ADGB: variants seen among roughly 807,000 people sequenced by gnomAD.
ADGB encodes the protein androglobin, also known as calpain-7-like protein.
A neutral mutation model predicts 210.5 loss-of-function variants in ADGB; 172 were observed. The ratio of observed to expected loss-of-function variants is 0.82; its 90% confidence interval spans 0.72 to 0.93. The LOEUF (loss-of-function observed/expected upper bound fraction) is 0.93, where lower values mean the gene tolerates loss of function less well. Ranked by LOEUF, ADGB falls within the 40% of genes least tolerant of loss-of-function variation. The pLI is 0.00. For synonymous variants in ADGB, 658 were observed against 662.7 expected (o/e 0.99, Z 0.11); for missense variants, 2,025 against 1,964.8 (o/e 1.03, Z -0.58).
chr6:146,643,212 T>A (rs1366060295), intron 2 of ADGB, among the ~76,000 whole-genome samples: 1 of 151,868 alleles, frequency 6.6e-6, no homozygotes, highest in Non-Finnish European at 1.5e-5. Context: ...ATTATTCCAG[T>A]ATCTTAAAGG....
intron 29 of ADGB, among the ~76,000 whole-genome samples, chr6:146,778,080 A>G (rs1237485094): frequency 3.9e-5 from 6 of 152,210 alleles, no homozygotes; most frequent in Non-Finnish European, 7.3e-5. Flanking sequence ...GAGTTATTCT[A>G]GCTCAGTTTT....
chr6:146,674,397 T>C (rs1187539280), intron 8 of ADGB, among the ~76,000 whole-genome samples: 2 of 152,030 alleles, frequency 1.3e-5, no homozygotes, highest in African/African-American at 2.4e-5. Context: ...CCTGCTGAGA[T>C]GACTGCAGTA....
At chr6:146,810,655 C>T (rs1041560840) in intron 35 of ADGB, among the ~76,000 whole-genome samples, 19 of 152,164 alleles carry the variant, frequency 1.2e-4, no homozygotes, top group Middle Eastern at 3.4e-3. Context: ...TGCAACAACA[C>T]AGATGAACAT....
chr6:146,807,707 A>G (rs1778233432), intron 35 of ADGB: 1 of 841,564 alleles, frequency 1.2e-6, no homozygotes, highest in African/African-American at 1.8e-5. Context: ...TTTCTTAGAA[A>G]TATTTTAATG....
chr6:146,697,424 T>C (rs1776421029), intron 12 of ADGB, among the ~76,000 whole-genome samples: 1 of 151,828 alleles, frequency 6.6e-6, no homozygotes, highest in Non-Finnish European at 1.5e-5. Context: ...TTCAATAGAG[T>C]GGTGAAAATT....
intron 1 of ADGB, among the ~76,000 whole-genome samples, chr6:146,634,129 T>A (rs1156694136): frequency 3.3e-5 from 5 of 152,134 alleles, no homozygotes; most frequent in Admixed American, 1.3e-4. Flanking sequence ...TACCATTGTG[T>A]TACAGTTGCC....
chr6:146,708,031 G>A (rs1583599441), intron 13 of ADGB, among the ~76,000 whole-genome samples: 1 of 151,922 alleles, frequency 6.6e-6, no homozygotes, highest in African/African-American at 2.4e-5. Flanking sequence ...ACATCTTATG[G>A]CTGTAACGGC....
chr6:146,748,320 C>G (rs1777271129), intron 26 of ADGB, among the ~76,000 whole-genome samples: 1 of 151,898 alleles, frequency 6.6e-6, no homozygotes, highest in South Asian at 2.1e-4. Flanking sequence ...TGAGGACTGC[C>G]ATAACAAAAG....
chr6:146,707,206 T>C (rs969521175), intron 13 of ADGB, among the ~76,000 whole-genome samples: 39 of 152,154 alleles, frequency 2.6e-4, no homozygotes, highest in African/African-American at 9.4e-4. Flanking sequence ...AAGGTAGTTA[T>C]ATGATTTCAA....
At chr6:146,684,891 TTTGAAATGTAAA>T (rs1776201405) in intron 9 of ADGB, among the ~76,000 whole-genome samples, 1 of 152,070 alleles carries the variant, frequency 6.6e-6, no homozygotes, top group South Asian at 2.1e-4. Context: ...AAATTTCAAT[TTTGAAATGTAAA>T]AGTATGTTTC....
At chr6:146,630,301 T>C (rs1236210441) in intron 1 of ADGB, among the ~76,000 whole-genome samples, 1 of 152,024 alleles carries the variant, frequency 6.6e-6, no homozygotes, top group Non-Finnish European at 1.5e-5. Context: ...CACATGCTTG[T>C]AGTCCTAAAT....
chr6:146,716,308 A>AACAAATTC lies in ADGB; in HGVS notation c.1742-575_1742-574insACAAATTC, dbSNP rs1554238215. ...CTTCACAATCTCTAAAGAATCTGTG[A>AACAAATTC]GGGCCGGGCGCGGTGGCTCACGCCT... On this transcript the variant is annotated intron_variant, in intron 14 of 35. Coordinates refer to ENST00000397944, the MANE Select transcript of ADGB (RefSeq NM_024694.4). 1.3e-3 allele frequency among the ~76,000 whole-genome samples: 194 copies of AACAAATTC among 148,242 alleles called. 20 individuals carry two copies. The highest frequency in any genetic ancestry group is 4.7e-3 in the African/African-American group (178 of 37,784).
chr6:146,657,575 G>A (rs1775803202), intron 5 of ADGB, among the ~76,000 whole-genome samples: 1 of 152,200 alleles, frequency 6.6e-6, no homozygotes, highest in Non-Finnish European at 1.5e-5. Flanking sequence ...GCCACTCATT[G>A]TAGATGCTGG....
intron 20 of ADGB, among the ~76,000 whole-genome samples, chr6:146,732,012 G>A (rs1583611819): frequency 6.6e-6 from 1 of 152,110 alleles, no homozygotes; most frequent in South Asian, 2.1e-4. Context: ...CCATATGTAC[G>A]TACTTCAAGT....
At chr6:146,619,814 GC>G (rs1192946023) in intron 1 of ADGB, among the ~76,000 whole-genome samples, 2 of 151,936 alleles carry the variant, frequency 1.3e-5, no homozygotes, top group Admixed American at 6.6e-5. Flanking sequence ...GGTTTACTTA[GC>G]CCAGTTACAG....
intron 3 of ADGB, among the ~76,000 whole-genome samples, chr6:146,645,401 T>C (rs75395473): frequency 0.019 from 2,830 of 152,156 alleles, 42 homozygotes; most frequent in Middle Eastern, 0.041. Context: ...ATAGCACTTA[T>C]AGAGATTAAG....
intron 6 of ADGB, 58 bp downstream of exon 6, chr6:146,664,398 T>C (rs1255287413): frequency 1.3e-5 from 19 of 1,449,510 alleles, no homozygotes; most frequent in South Asian, 1.4e-5. Flanking sequence ...ACATTAACTA[T>C]ACATTTGTAT....
chr6:146,812,229 G>A (rs1170080102), intron 35 of ADGB, among the ~76,000 whole-genome samples: 1 of 150,634 alleles, frequency 6.6e-6, no homozygotes, highest in Non-Finnish European at 1.5e-5. Flanking sequence ...TTAGAAGCAG[G>A]TTCATATAAA....
chr6:146,691,433 TATATATATAAAAATATATATATATAA>T (rs1434600811), intron 11 of ADGB, 143 bp downstream of exon 11: 2 of 28,484 alleles, frequency 7.0e-5, no homozygotes, highest in African/African-American at 4.9e-4. Context: ...TATATATATA[TATATATATAAAAATATATATATATAA>T]AAATATATAT....
Sources: allele counts gnomAD v4.1 joint callset (sites outside exome capture counted in the v4.1 genomes callset), GRCh38; gene constraint gnomAD v4.1.1; transcripts MANE v1.5; gene names NCBI Gene and HGNC (gene_info 2026-07-23, HGNC 2026-07-21).